Variants in NFAM1 observed in about 807,000 individuals in gnomAD.
NFAM1 encodes the protein NFAT activation molecule 1.
NFAM1 carries 17 observed loss-of-function variants against 29.0 expected under a neutral mutation model. The observed-to-expected ratio is 0.59, with a 90% confidence interval of 0.40 to 0.88. The LOEUF (loss-of-function observed/expected upper bound fraction) is 0.88, where lower values mean the gene tolerates loss of function less well. Among genes scored for constraint, NFAM1 ranks in the 40% least tolerant of loss-of-function variants. The probability of loss-of-function intolerance (pLI) is 0.00; values close to 1 mark genes in which losing one functional copy is unlikely to be tolerated. For missense variants in NFAM1, 324 were observed against 344.6 expected, an observed-to-expected ratio of 0.94 and a Z score of 0.47; for synonymous variants, 175 against 147.2, an observed-to-expected ratio of 1.19 and a Z score of -1.36.
chr22:42,411,106 C>T (rs1187951301), intron 2 of NFAM1, among the ~76,000 whole-genome samples: 1 of 146,404 alleles, frequency 6.8e-6, no homozygotes, highest in South Asian at 2.1e-4. Context: ...CTCACTGCAA[C>T]TTCCCATCCT....
At chr22:42,418,304 AATTGGG>A in intron 1 of NFAM1, among the ~76,000 whole-genome samples, 1 of 152,226 alleles carries the variant, frequency 6.6e-6, no homozygotes, top group South Asian at 2.1e-4. Context: ...TGGTGGGATT[AATTGGG>A]ACCTGGAACC....
chr22:42,404,155 G>A (rs564310558), intron 3 of NFAM1, among the ~76,000 whole-genome samples: 4 of 152,216 alleles, frequency 2.6e-5, no homozygotes, highest in East Asian at 1.9e-4. Flanking sequence ...TGCCCTCCCT[G>A]CTGGCCTTTG....
At chr22:42,389,113 G>T (rs1929245725) in intron 4 of NFAM1, among the ~76,000 whole-genome samples, 1 of 152,202 alleles carries the variant, frequency 6.6e-6, no homozygotes, top group Non-Finnish European at 1.5e-5. Context: ...AAAGGGAGGG[G>T]AGCAGTCTCC....
chr22:42,409,337 C>T lies in NFAM1; in HGVS notation c.564+98G>A, dbSNP rs1486496967. 3 of 584,962 alleles carry T rather than the reference C, an allele frequency of 5.1e-6. No individual in the cohort carries two copies. The highest frequency in any genetic ancestry group is 3.1e-5 in the East Asian group (1 of 32,658). 36.2% of individuals were successfully genotyped at this position (584,962 alleles called of 1,614,324 possible). ...CCACCTGTTACAGATGTGGATGTGC[C>T]CTCACCAGGGCCCACCAAACGCCCT... On this transcript the variant is annotated intron_variant, in intron 3 of 5. Transcript: ENST00000329021. The surrounding 1 kb of genome is among the most constrained non-coding windows in gnomAD (Gnocchi z 4.9).
At chr22:42,404,121 A>G (rs1929814716) in intron 3 of NFAM1, among the ~76,000 whole-genome samples, 1 of 151,942 alleles carries the variant, frequency 6.6e-6, no homozygotes, top group Admixed American at 6.6e-5. Flanking sequence ...TCCAGCTCCC[A>G]TCTTCCCGGG....
intron 4 of NFAM1, among the ~76,000 whole-genome samples, chr22:42,396,284 T>C (rs1245838250): frequency 3.3e-5 from 5 of 152,138 alleles, no homozygotes; most frequent in African/African-American, 1.2e-4. Flanking sequence ...CATAATCTCA[T>C]AGAAAGATAT....
intron 1 of NFAM1, among the ~76,000 whole-genome samples, chr22:42,429,786 A>C: frequency 6.6e-6 from 1 of 152,226 alleles, no homozygotes; most frequent in African/African-American, 2.4e-5. Flanking sequence ...TGGTACTGAC[A>C]GGTGGCAGAG....
At chr22:42,396,234 G>A (rs1320630638) in intron 4 of NFAM1, among the ~76,000 whole-genome samples, 1 of 152,112 alleles carries the variant, frequency 6.6e-6, no homozygotes, top group African/African-American at 2.4e-5. Flanking sequence ...GTGAAACCCA[G>A]GCAAAAAGAA....
upstream of NFAM1, among the ~76,000 whole-genome samples, chr22:42,435,700 C>G (rs1268442575): frequency 6.6e-6 from 1 of 152,096 alleles, no homozygotes; most frequent in East Asian, 1.9e-4. Context: ...CTACTGCGTG[C>G]CAGGCATTGG....
chr22:42,431,398 C>T (rs964292181), intron 1 of NFAM1, among the ~76,000 whole-genome samples: 1 of 152,120 alleles, frequency 6.6e-6, no homozygotes, highest in African/African-American at 2.4e-5. Context: ...AGGAAGGCAC[C>T]CTGTCTCCAC....
chr22:42,391,378 G>A (rs1400688879), intron 4 of NFAM1, among the ~76,000 whole-genome samples: 3 of 151,370 alleles, frequency 2.0e-5, no homozygotes, highest in African/African-American at 7.3e-5. Flanking sequence ...GGGACATGGG[G>A]AGGGGAAAGG....
chr22:42,401,771 G>C (rs926549706), intron 3 of NFAM1, among the ~76,000 whole-genome samples: 2 of 152,148 alleles, frequency 1.3e-5, no homozygotes, highest in Non-Finnish European at 2.9e-5. Flanking sequence ...GTGGGACAGG[G>C]AGTCACCAGG....
In NFAM1 at chr22:42,409,508, A is replaced by T. The variant is rs1445906149; in HGVS notation, c.491T>A (p.Leu164His). ...GAGGCCGGTGAAGCCAAAGAGCAGG[A>T]GCTTCTGTGGACTCTGCGGGGGCTC... ...YREPPQSPQK[L>H]LLFGFTGLLS... is the part of the protein sequence containing the mutation. Residue 164 changes from leucine (L) to histidine (H), a missense_variant, in exon 3 of 6, where the codon CTC (leucine) becomes CAC (histidine). Transcript: ENST00000329021. This position sits in a 1 kb window ranked among gnomAD's most constrained non-coding sequence, Gnocchi z 4.9. The T allele has an allele frequency of 6.4e-7, 1 of 1,566,772 alleles. No individual in the cohort carries two copies. Among genetic ancestry groups the T allele is most frequent in the Non-Finnish European group, 8.7e-7 (1 of 1,155,262 alleles).
chr22:42,422,461 C>A (rs1035804516), intron 1 of NFAM1, among the ~76,000 whole-genome samples: 1 of 152,048 alleles, frequency 6.6e-6, no homozygotes, highest in Non-Finnish European at 1.5e-5. Flanking sequence ...CAAAATTTAG[C>A]TGGGCATGGT....
intron 1 of NFAM1, among the ~76,000 whole-genome samples, chr22:42,412,049 A>G (rs899299081): frequency 5.3e-5 from 8 of 152,202 alleles, no homozygotes; most frequent in African/African-American, 1.9e-4. Context: ...CCTGGCCAAC[A>G]TGGCAAAACC....
intron 5 of NFAM1, among the ~76,000 whole-genome samples, chr22:42,386,066 G>A (rs1929128339): frequency 6.6e-6 from 1 of 152,128 alleles, no homozygotes; most frequent in Non-Finnish European, 1.5e-5. Context: ...TTACAGATGA[G>A]CAAACAGGTT....
chr22:42,407,134 T>C (rs1929927828), intron 3 of NFAM1, among the ~76,000 whole-genome samples: 1 of 147,296 alleles, frequency 6.8e-6, no homozygotes, highest in Admixed American at 7.0e-5. Flanking sequence ...GGGGCTGGAG[T>C]GCAGTGGCGC....
In NFAM1 at chr22:42,382,482, C is replaced by T; in HGVS notation, c.*2679G>A. On this transcript the variant is annotated 3_prime_UTR_variant, in exon 6 of 6. Coordinates refer to ENST00000329021, the MANE Select transcript of NFAM1 (RefSeq NM_145912.8). ...CTGAGGCCACCCAGCCTGGGTGGGT[C>T]TCAAAAGCAATTTTCTTCTCTTCCC... is the stretch of plus-strand genomic sequence containing the variant. The T allele has an allele frequency of 6.6e-6, 1 of 151,982 alleles. No homozygotes were observed. The highest frequency in any genetic ancestry group is 2.4e-5 in the African/African-American group (1 of 41,346). 9.4% of individuals were successfully genotyped at this position (151,982 alleles called of 1,614,324 possible).
chr22:42,405,622 G>C (rs868675817), intron 3 of NFAM1, among the ~76,000 whole-genome samples: 1 of 152,192 alleles, frequency 6.6e-6, no homozygotes, highest in East Asian at 1.9e-4. Flanking sequence ...GCAGCCTGAA[G>C]CCAGTGGGTC....
Sources: gnomAD v4.1 joint callset for allele counts (sites outside exome capture counted in the v4.1 genomes callset) on GRCh38, gnomAD v4.1.1 for gene constraint, Gnocchi (gnomAD v3.1) non-coding constraint, MANE v1.5 for transcripts, NCBI Gene and HGNC (gene_info 2026-07-23, HGNC 2026-07-21) for gene names.